The following LSAMP variants were observed in gnomAD, a reference collection of about 807,000 sequenced individuals.
The protein encoded by LSAMP is limbic system-associated membrane protein.
Under a neutral mutation model 38.6 loss-of-function variants are expected in LSAMP, and 7 were observed. The ratio of observed to expected loss-of-function variants is 0.18; its 90% confidence interval spans 0.10 to 0.34. LSAMP has a LOEUF of 0.34. LSAMP is among the 10% of genes least tolerant of loss of function. LSAMP has a pLI of 1.00. For synonymous variants in LSAMP, 154 were observed against 166.8 expected, an observed-to-expected ratio of 0.92 and a Z score of 0.59; for missense variants, 313 against 420.0, an observed-to-expected ratio of 0.75 and a Z score of 2.23.
chr3:115,998,024 T>C (rs1043947440), intron 3 of LSAMP, among the ~76,000 whole-genome samples: 1 of 150,750 alleles, frequency 6.6e-6, no homozygotes, highest in Non-Finnish European at 1.5e-5. Flanking sequence ...TTCAGCAGCA[T>C]CCTTGGCCTC....
At chr3:116,306,768 G>A (rs2047490309) in intron 1 of LSAMP, among the ~76,000 whole-genome samples, 3 of 151,938 alleles carry the variant, frequency 2.0e-5, no homozygotes, top group Admixed American at 1.3e-4. Flanking sequence ...CTGAAAGCAG[G>A]AACATTTTGA....
intron 3 of LSAMP, among the ~76,000 whole-genome samples, chr3:115,918,445 A>T (rs1304975920): frequency 6.6e-6 from 1 of 152,206 alleles, no homozygotes; most frequent in African/African-American, 2.4e-5. Flanking sequence ...ATAACCTCTT[A>T]GAATAGCCTG....
intron 1 of LSAMP, among the ~76,000 whole-genome samples, chr3:116,121,850 T>C (rs893740014): frequency 4.6e-5 from 7 of 151,468 alleles, no homozygotes; most frequent in Admixed American, 2.0e-4. Flanking sequence ...AACAAATTCA[T>C]AAACTTTCTT....
intron 2 of LSAMP, among the ~76,000 whole-genome samples, chr3:116,063,790 A>C (rs1256482947): frequency 1.3e-5 from 2 of 152,192 alleles, no homozygotes; most frequent in African/African-American, 4.8e-5. Flanking sequence ...ATAGACTGTA[A>C]AGTAGGTATC....
chr3:116,409,185 T>A (rs961876494), intron 1 of LSAMP, among the ~76,000 whole-genome samples: 1 of 152,034 alleles, frequency 6.6e-6, no homozygotes, highest in Non-Finnish European at 1.5e-5. Context: ...ACCAGCTGTT[T>A]GTTTAAGCAT....
intron 3 of LSAMP, among the ~76,000 whole-genome samples, chr3:115,981,958 A>C (rs1939372796): frequency 6.6e-6 from 1 of 152,234 alleles, no homozygotes; most frequent in Non-Finnish European, 1.5e-5. Flanking sequence ...AAGAGTCACT[A>C]ACAATGGAAA....
chr3:115,874,094 G>A (rs1032021265), intron 3 of LSAMP, among the ~76,000 whole-genome samples: 6 of 152,102 alleles, frequency 3.9e-5, no homozygotes, highest in African/African-American at 1.4e-4. Context: ...TACATCTAAT[G>A]AAGACTTGAA....
chr3:115,906,667 TTTGC>T (rs1308155117), intron 3 of LSAMP, among the ~76,000 whole-genome samples: 1 of 152,148 alleles, frequency 6.6e-6, no homozygotes, highest in African/African-American at 2.4e-5. Context: ...AATAGTTTTG[TTTGC>T]TGAAGGCTTT....
In LSAMP at chr3:116,327,393, C is replaced by A. The variant is rs536352862; in HGVS notation, c.155+117484G>T. On this transcript the variant is annotated intron_variant, in intron 1 of 6. Coordinates refer to ENST00000490035, the MANE Select transcript of LSAMP (RefSeq NM_002338.5). ...CTTAGTTCATCTTATTCTCTATGTA[C>A]GGAATATTCTTCTTACTTTTTTTTT... Among the ~76,000 whole-genome samples, 41 of 152,188 alleles carry A rather than the reference C, an allele frequency of 2.7e-4. 1 individual carries two copies. In the South Asian group the frequency reaches 7.9e-3, roughly 29 times the overall value.
At chr3:116,184,226 T>C (rs1710556231) in intron 1 of LSAMP, among the ~76,000 whole-genome samples, 1 of 151,914 alleles carries the variant, frequency 6.6e-6, no homozygotes, top group Admixed American at 6.6e-5. Context: ...ATGTATCAAC[T>C]AATTTAACTT....
intron 1 of LSAMP, among the ~76,000 whole-genome samples, chr3:116,420,459 C>T (rs1157448596): frequency 2.6e-5 from 4 of 152,046 alleles, no homozygotes; most frequent in Non-Finnish European, 4.4e-5. Flanking sequence ...TTTGAAAACT[C>T]GGCATGAAGT....
chr3:116,141,358 G>A (rs1436808444), intron 1 of LSAMP, among the ~76,000 whole-genome samples: 1 of 151,720 alleles, frequency 6.6e-6, no homozygotes, highest in Non-Finnish European at 1.5e-5. Context: ...GAAATGGAGG[G>A]GGGATTGCTT....
At chr3:116,347,159 T>G (rs2048074069) in intron 1 of LSAMP, among the ~76,000 whole-genome samples, 1 of 152,200 alleles carries the variant, frequency 6.6e-6, no homozygotes, top group African/African-American at 2.4e-5. Flanking sequence ...AAAGTGCTGA[T>G]ACTTTTATAC....
intron 3 of LSAMP, among the ~76,000 whole-genome samples, chr3:115,908,358 G>A (rs1937060310): frequency 6.6e-6 from 1 of 152,064 alleles, no homozygotes; most frequent in African/African-American, 2.4e-5. Context: ...TGTAGACTTA[G>A]TACATCTTAT....
chr3:115,938,873 T>C (rs1937799655), intron 3 of LSAMP, among the ~76,000 whole-genome samples: 1 of 152,162 alleles, frequency 6.6e-6, no homozygotes, highest in South Asian at 2.1e-4. Context: ...AGACAAGGAA[T>C]TCATCCATTT....
chr3:116,379,841 A>G (rs1576176868), intron 1 of LSAMP, among the ~76,000 whole-genome samples: 1 of 152,076 alleles, frequency 6.6e-6, no homozygotes, highest in African/African-American at 2.4e-5. Flanking sequence ...ACGCTTACTT[A>G]CAGGCAAATG....
At chr3:116,397,355 T>C (rs561786485) in intron 1 of LSAMP, among the ~76,000 whole-genome samples, 12 of 148,760 alleles carry the variant, frequency 8.1e-5, no homozygotes, top group African/African-American at 3.1e-4. Flanking sequence ...CTAGAGTGCT[T>C]TTCCCTCAGC....
chr3:116,066,648 C>T (rs1354890762), intron 2 of LSAMP, among the ~76,000 whole-genome samples: 1 of 152,132 alleles, frequency 6.6e-6, no homozygotes, highest in Non-Finnish European at 1.5e-5. Flanking sequence ...GAAGACCCCA[C>T]CCATCATATT....
intron 3 of LSAMP, among the ~76,000 whole-genome samples, chr3:115,972,982 G>T (rs1435657611): frequency 6.6e-6 from 1 of 151,800 alleles, no homozygotes; most frequent in Admixed American, 6.6e-5. Flanking sequence ...GACATTACTG[G>T]CAAAAACAGT....
Sources: allele counts gnomAD v4.1 joint callset (sites outside exome capture counted in the v4.1 genomes callset), GRCh38; gene constraint gnomAD v4.1.1; transcripts MANE v1.5; gene names NCBI Gene and HGNC (gene_info 2026-07-23, HGNC 2026-07-21).